Variants in GRIK3 observed in about 807,000 individuals in gnomAD.
The protein encoded by GRIK3 is glutamate receptor ionotropic, kainate 3.
In GRIK3, 29 loss-of-function variants were observed where a neutral mutation model predicts 102.5. The observed-to-expected ratio is 0.28, with a 90% CI of 0.21 to 0.39. The LOEUF (loss-of-function observed/expected upper bound fraction) is 0.39, where lower values mean the gene tolerates loss of function less well. GRIK3 is among the 10% of genes least tolerant of loss of function. GRIK3 has a pLI of 1.00. For synonymous variants in GRIK3, 511 were observed against 504.9 expected (o/e 1.01, Z -0.16); for missense variants, 908 against 1,252.4 (o/e 0.73, Z 4.15).
In GRIK3 at chr1:36,817,198, A is replaced by G. The variant is rs925658411; in HGVS notation, c.1953T>C (p.Ser651=). The G allele has an allele frequency of 1.2e-6, 2 of 1,613,344 alleles. No individual in the cohort carries two copies. The highest frequency in any genetic ancestry group is 1.7e-6 in the Non-Finnish European group (2 of 1,179,420). ...AGGCAGCCAGGTTGGCCGTGTAGGA[A>G]GAGATGATGATGAGCGTGAAGAACC... ...IWWFFTLIII[S]SYTANLAAFL... The change falls in exon 13 of 16, where the codon TCT becomes TCC. Residue 651 remains serine, a synonymous_variant. Coordinates refer to ENST00000373091, the MANE Select transcript of GRIK3 (RefSeq NM_000831.4).
At chr1:36,803,717 C>T (rs1401047909) in intron 15 of GRIK3, among the ~76,000 whole-genome samples, 1 of 152,234 alleles carries the variant, frequency 6.6e-6, no homozygotes, top group Non-Finnish European at 1.5e-5. Flanking sequence ...GCGTGAGCCA[C>T]CGCACCTGGC....
rs960485044 is a variant in GRIK3, at chr1:36,796,270, C to T, written c.*5581G>A. 6.6e-6 allele frequency: 1 copy of T among 152,468 alleles called. No individual in the cohort carries two copies. The highest frequency in any genetic ancestry group is 1.5e-5 in the Non-Finnish European group (1 of 68,246). 9.4% of individuals were successfully genotyped at this position (152,468 alleles called of 1,614,324 possible). Reference sequence around the variant, plus strand: ...TGAGCCAGGGACAGAGATCTGCAGCCTCCTGGGGAGGGGGCACTCTGCCAA... The same window carrying T: ...TGAGCCAGGGACAGAGATCTGCAGCTTCCTGGGGAGGGGGCACTCTGCCAA... On this transcript the variant is annotated 3_prime_UTR_variant, in exon 16 of 16. Coordinates refer to ENST00000373091, the MANE Select transcript of GRIK3 (RefSeq NM_000831.4).
At chr1:37,014,888 CTTCTCTCTCTCTATCTCTGT>C (rs1642637568) in intron 1 of GRIK3, among the ~76,000 whole-genome samples, 1 of 135,532 alleles carries the variant, frequency 7.4e-6, no homozygotes, top group Non-Finnish European at 1.6e-5. Flanking sequence ...CATCTATTCT[CTTCTCTCTCTCTATCTCTGT>C]TTCTCTCTCT....
chr1:36,884,440 T>C (rs754403776), intron 2 of GRIK3, among the ~76,000 whole-genome samples: 2 of 152,136 alleles, frequency 1.3e-5, no homozygotes, highest in Admixed American at 6.5e-5. Flanking sequence ...TCTGGGGGTG[T>C]TGCATATCTT....
At chr1:36,817,425 T>A in intron 12 of GRIK3, 148 bp from the exon 13 acceptor site, 1 of 622,352 alleles carries the variant, frequency 1.6e-6, no homozygotes, top group South Asian at 2.0e-5. Flanking sequence ...GTCCCTGGAC[T>A]GGCAGCAACA....
intron 14 of GRIK3, among the ~76,000 whole-genome samples, chr1:36,805,482 G>A (rs1442848697): frequency 2.6e-5 from 4 of 152,220 alleles, no homozygotes; most frequent in African/African-American, 9.6e-5. Flanking sequence ...AAGTCCCAGT[G>A]CCCCTGAGCT....
intron 1 of GRIK3, among the ~76,000 whole-genome samples, chr1:36,918,100 C>A (rs948058833): frequency 6.6e-6 from 1 of 152,202 alleles, no homozygotes; most frequent in Non-Finnish European, 1.5e-5. Context: ...CTAAACCCTG[C>A]ACTTTGAACA....
intron 5 of GRIK3, among the ~76,000 whole-genome samples, chr1:36,863,426 G>A (rs1640748944): frequency 6.6e-6 from 1 of 152,086 alleles, no homozygotes; most frequent in African/African-American, 2.4e-5. Flanking sequence ...AAATTCCTTA[G>A]TACAGTTTTC....
In GRIK3 at chr1:36,806,263, C is replaced by G; in HGVS notation, c.2155G>C (p.Val719Leu). The change falls in exon 14 of 16, where the codon GTG (valine) becomes CTG (leucine). Residue 719 changes from valine (V) to leucine (L), a missense_variant. By Grantham distance (32) the Val-to-Leu change is conservative (BLOSUM62 1). This residue lies in a region of GRIK3 where 297 missense variants were observed against 362.7 expected (regional missense o/e 0.82). Transcript: ENST00000373091. This position sits in a 1 kb window ranked among gnomAD's most constrained non-coding sequence, Gnocchi z 4.0. ...TGGATGCCCTCCTCGTTGTTCTTCACCAGCGCCGATGGCTTGCTGCTCATG... is the reference window on the plus strand; with the variant it reads ...TGGATGCCCTCCTCGTTGTTCTTCAGCAGCGCCGATGGCTTGCTGCTCATG... ...AFMSSKPSAL[V>L]KNNEEGIQRA... 1 of 1,614,198 alleles carries G rather than the reference C, an allele frequency of 6.2e-7. No homozygotes were observed. The highest frequency in any genetic ancestry group is 8.5e-7 in the Non-Finnish European group (1 of 1,179,992).
Position 36,819,946 on chromosome 1 carries a change from C to A in GRIK3, c.1755-92G>T, listed in dbSNP as rs537008058. 6 of 709,736 alleles carry A rather than the reference C, an allele frequency of 8.5e-6. No individual in the cohort carries two copies. The African/African-American group carries it at 8.7e-5, about 10-fold the overall frequency. The allele number at this position is 709,736 out of a possible 1,614,324, so 44.0% of individuals were successfully genotyped here. A position where few individuals can be genotyped will look rare whatever the true frequency, so the allele number is the denominator to read the frequency against. On this transcript the variant is annotated intron_variant, in intron 11 of 15. Coordinates refer to ENST00000373091, the MANE Select transcript of GRIK3 (RefSeq NM_000831.4). The surrounding 1 kb of genome is among the most constrained non-coding windows in gnomAD (Gnocchi z 4.1). ...GTTTAGCAAACACAGCTGTGCCAGC[C>A]GCCTCAGCGTCAATATCCTCATGGT...
chr1:36,805,280 C>T, intron 14 of GRIK3, 43 bp from the exon 15 acceptor site: 1 of 1,563,936 alleles, frequency 6.4e-7, no homozygotes, highest in Non-Finnish European at 8.6e-7. Flanking sequence ...TGGCGTGTGG[C>T]CCATTCTGTG....
At chr1:36,978,620 G>A (rs1295051879) in intron 1 of GRIK3, among the ~76,000 whole-genome samples, 1 of 152,210 alleles carries the variant, frequency 6.6e-6, no homozygotes, top group Non-Finnish European at 1.5e-5. Context: ...GTCTGCGGGG[G>A]TTAGCTGGTC....
At chr1:36,950,980 T>C (rs1304901650) in intron 1 of GRIK3, among the ~76,000 whole-genome samples, 1 of 152,218 alleles carries the variant, frequency 6.6e-6, no homozygotes, top group Admixed American at 6.5e-5. Context: ...GCCCCAGGTT[T>C]TTCTAAATGT....
At chr1:37,021,091 AGT>A (rs140990633) in intron 1 of GRIK3, among the ~76,000 whole-genome samples, 42,420 of 143,738 alleles carry the variant, frequency 0.3, 7,664 homozygotes, top group African/African-American at 0.53. Context: ...CAAATTTGCA[AGT>A]GTGTGTGTGT....
intron 3 of GRIK3, among the ~76,000 whole-genome samples, chr1:36,874,362 C>A (rs1243625841): frequency 6.6e-6 from 1 of 152,194 alleles, no homozygotes; most frequent in Non-Finnish European, 1.5e-5. Context: ...TCCACACAAG[C>A]TTTGCCATGA....
chr1:36,957,422 C>T (rs76062223), intron 1 of GRIK3, among the ~76,000 whole-genome samples: 3 of 125,214 alleles, frequency 2.4e-5, no homozygotes, highest in African/African-American at 9.9e-5. Flanking sequence ...CTGTGTGCCC[C>T]ATGAGCCTCT....
intron 1 of GRIK3, among the ~76,000 whole-genome samples, chr1:36,992,786 C>T (rs760590425): frequency 6.6e-6 from 1 of 152,172 alleles, no homozygotes; most frequent in African/African-American, 2.4e-5. Context: ...CAGATCCTCA[C>T]GACTCTGTGA....
intron 1 of GRIK3, among the ~76,000 whole-genome samples, chr1:37,026,696 G>C (rs576840808): frequency 6.6e-6 from 1 of 152,138 alleles, no homozygotes; most frequent in Non-Finnish European, 1.5e-5. Context: ...TTTTATAGAT[G>C]AGGAAATGGA....
chr1:36,920,355 T>A (rs1473735108), intron 1 of GRIK3, among the ~76,000 whole-genome samples: 1 of 152,214 alleles, frequency 6.6e-6, no homozygotes, highest in African/African-American at 2.4e-5. Flanking sequence ...TAGAGGCTGA[T>A]GCACAAGAAT....
Sources: allele counts gnomAD v4.1 joint callset (sites outside exome capture counted in the v4.1 genomes callset), GRCh38; gene constraint gnomAD v4.1.1; regional missense constraint gnomAD v4.1.1; non-coding constraint Gnocchi (gnomAD v3.1); transcripts MANE v1.5; gene names NCBI Gene and HGNC (gene_info 2026-07-23, HGNC 2026-07-21).